The following SHQ1 variants were observed in gnomAD, a reference collection of about 807,000 sequenced individuals.
SHQ1 encodes SHQ1, H/ACA ribonucleoprotein assembly factor.
SHQ1 carries 49 observed loss-of-function variants against 53.8 expected under a neutral mutation model. The observed-to-expected ratio is 0.91, with a 90% CI of 0.72 to 1.16. The LOEUF (loss-of-function observed/expected upper bound fraction) is 1.16. Ranked by LOEUF, SHQ1 falls within the 50% of genes most tolerant of loss-of-function variation. The pLI is 0.00. For missense variants in SHQ1, 738 were observed against 683.1 expected (o/e 1.08, Z -0.90); for synonymous variants, 243 against 251.0 (o/e 0.97, Z 0.30).
intron 10 of SHQ1, chr3:72,773,235 A>G: frequency 1.4e-6 from 1 of 696,182 alleles, no homozygotes; most frequent in Non-Finnish European, 2.7e-6. Flanking sequence ...CAACGAGAGA[A>G]AGAGTTAGAA....
chr3:72,758,433 G>A (rs1705541934), intron 10 of SHQ1, among the ~76,000 whole-genome samples: 1 of 152,006 alleles, frequency 6.6e-6, no homozygotes, highest in African/African-American at 2.4e-5. Context: ...TCTAGTCCAT[G>A]GATCAGCAGA....
chr3:72,805,469 C>G (rs1706911736), intron 9 of SHQ1, among the ~76,000 whole-genome samples: 1 of 152,078 alleles, frequency 6.6e-6, no homozygotes, highest in Non-Finnish European at 1.5e-5. Context: ...AAAGTTACTT[C>G]CATAAAAATT....
chr3:72,773,412 T>C (rs1575683980), intron 10 of SHQ1: 5 of 437,976 alleles, frequency 1.1e-5, no homozygotes, highest in Admixed American at 6.7e-5. Context: ...GCAGTGGTGG[T>C]AGATGAGTGA....
chr3:72,765,019 C>T (rs1349325526), intron 10 of SHQ1, among the ~76,000 whole-genome samples: 1 of 152,196 alleles, frequency 6.6e-6, no homozygotes, highest in Non-Finnish European at 1.5e-5. Flanking sequence ...TGAATCTCCA[C>T]CTTGCATTTA....
chr3:72,782,973 T>C (rs1261131044), intron 10 of SHQ1, among the ~76,000 whole-genome samples: 2 of 152,208 alleles, frequency 1.3e-5, no homozygotes, highest in Admixed American at 1.3e-4. Flanking sequence ...ACTCACTTGA[T>C]CCTGTGGGTC....
At chr3:72,730,162 C>T in the SHQ1 span, among the ~76,000 whole-genome samples, 1 of 151,826 alleles carries the variant, frequency 6.6e-6, no homozygotes, top group Non-Finnish European at 1.5e-5. Context: ...GTTGCCCAGG[C>T]TGGGGCACAG....
intron 9 of SHQ1, among the ~76,000 whole-genome samples, chr3:72,796,101 CA>C (rs555086403): frequency 0.044 from 1,801 of 40,512 alleles, 18 homozygotes; most frequent in African/African-American, 0.12. Context: ...GACTCCATCT[CA>C]AAAAAAAAAA....
At chr3:72,813,113 C>T (rs930985846) in intron 8 of SHQ1, among the ~76,000 whole-genome samples, 4 of 152,138 alleles carry the variant, frequency 2.6e-5, no homozygotes, top group African/African-American at 4.8e-5. Flanking sequence ...ACATAAAGGA[C>T]ATTTTAATAT....
intron 9 of SHQ1, chr3:72,809,688 G>A (rs1282055126): frequency 6.6e-6 from 1 of 152,188 alleles, no homozygotes; most frequent in Non-Finnish European, 1.5e-5. Flanking sequence ...GCCAGGTGCG[G>A]TGGCTCACAC....
intron 1 of SHQ1, 140 bp downstream of exon 1, chr3:72,848,058 C>T (rs1708405222): frequency 4.8e-6 from 5 of 1,041,992 alleles, no homozygotes; most frequent in South Asian, 4.4e-5. Context: ...AGGGCAGTTC[C>T]CTGGCACCAA....
the SHQ1 span, among the ~76,000 whole-genome samples, chr3:72,733,462 A>G: frequency 4.0e-5 from 6 of 151,688 alleles, no homozygotes; most frequent in Admixed American, 1.3e-4. Flanking sequence ...CATGAGGTTT[A>G]CATTCTATCA....
chr3:72,773,157 G>T, intron 10 of SHQ1: 1 of 744,214 alleles, frequency 1.3e-6, no homozygotes, highest in South Asian at 1.4e-5. Context: ...TGGAATTTTG[G>T]AAAAAGACAT....
intron 1 of SHQ1, among the ~76,000 whole-genome samples, chr3:72,847,904 A>AACT (rs1181234794): frequency 2.0e-5 from 3 of 152,108 alleles, no homozygotes; most frequent in South Asian, 4.1e-4. Flanking sequence ...ACGGGACGAG[A>AACT]ACTAGGGCGA....
chr3:72,743,256 C>T, the SHQ1 span, among the ~76,000 whole-genome samples: 1 of 152,218 alleles, frequency 6.6e-6, no homozygotes, highest in Non-Finnish European at 1.5e-5. Flanking sequence ...ATTTAAGGCT[C>T]TTCCAGAAGG....
intron 6 of SHQ1, among the ~76,000 whole-genome samples, chr3:72,818,679 C>T (rs543968874): frequency 9.1e-4 from 138 of 152,310 alleles, no homozygotes; most frequent in African/African-American, 3.2e-3. Context: ...TTCTGTCCAA[C>T]AGAATACGAC....
intron 4 of SHQ1, among the ~76,000 whole-genome samples, chr3:72,833,334 G>A (rs1241908588): frequency 1.3e-5 from 2 of 152,122 alleles, no homozygotes; most frequent in African/African-American, 4.8e-5. Flanking sequence ...CCAGCTACAA[G>A]GGAGGCTGAG....
the SHQ1 span, among the ~76,000 whole-genome samples, chr3:72,733,114 C>G: frequency 6.6e-6 from 1 of 151,564 alleles, no homozygotes; most frequent in Non-Finnish European, 1.5e-5. Flanking sequence ...CCAGTACACT[C>G]AACGGGCATC....
At chr3:72,729,324 T>C in the SHQ1 span, among the ~76,000 whole-genome samples, 2 of 152,186 alleles carry the variant, frequency 1.3e-5, no homozygotes, top group Non-Finnish European at 2.9e-5. Context: ...CTGAGCTGAT[T>C]ATTCCACCCT....
intron 10 of SHQ1, among the ~76,000 whole-genome samples, chr3:72,787,746 G>T (rs568530214): frequency 6.9e-6 from 1 of 144,578 alleles, no homozygotes; most frequent in Non-Finnish European, 1.5e-5. Flanking sequence ...CCCTTTGCAC[G>T]GTCTCCCTCT....
Sources: allele counts gnomAD v4.1 joint callset (sites outside exome capture counted in the v4.1 genomes callset), GRCh38; gene constraint gnomAD v4.1.1; transcripts MANE v1.5; gene names NCBI Gene and HGNC (gene_info 2026-07-23, HGNC 2026-07-21).